Variants in FRMD4A observed in about 807,000 individuals in gnomAD.
FRMD4A encodes FERM domain-containing protein 4A.
In FRMD4A, 29 loss-of-function variants were observed where a neutral mutation model predicts 129.1. The ratio of observed to expected loss-of-function variants is 0.22; its 90% confidence interval spans 0.17 to 0.31. FRMD4A has a LOEUF of 0.31. FRMD4A is among the 10% of genes least tolerant of loss of function. FRMD4A has a pLI of 1.00. For missense variants in FRMD4A, 1,272 were observed against 1,375.8 expected (o/e 0.92, Z 1.19); for synonymous variants, 634 against 571.6 (o/e 1.11, Z -1.56).
chr10:13,794,030 G>A (rs2093060101), intron 5 of FRMD4A, among the ~76,000 whole-genome samples: 1 of 152,132 alleles, frequency 6.6e-6, no homozygotes, highest in East Asian at 1.9e-4. Flanking sequence ...CTTGGAGGCT[G>A]CTTCAATAGG....
chr10:14,105,460 T>C (rs1010225554), intron 2 of FRMD4A, among the ~76,000 whole-genome samples: 1 of 152,182 alleles, frequency 6.6e-6, no homozygotes, highest in Admixed American at 6.5e-5. Context: ...CTTCTCTCTA[T>C]AAAATTATTA....
intron 2 of FRMD4A, among the ~76,000 whole-genome samples, chr10:14,094,669 T>C (rs938761625): frequency 4.6e-5 from 7 of 152,200 alleles, no homozygotes; most frequent in Non-Finnish European, 8.8e-5. Context: ...CTTGCCTCTC[T>C]CTATTGGGCA....
At position 13,657,448 on chromosome 10, in the gene FRMD4A, G is replaced by C; in HGVS notation, c.2141C>G (p.Ser714Cys). 6.2e-7 allele frequency: 1 copy of C among 1,612,290 alleles called. No homozygotes were observed. The highest frequency in any genetic ancestry group is 8.5e-7 in the Non-Finnish European group (1 of 1,179,916). ...HFRHRSSSLE[S>C]QGKLLGSEND... ...TTCCGAGCCCAGGAGCTTGCCCTGGGACTCCAGGCTGGAGCTCCGGTGCCT... is the reference window on the plus strand; with the variant it reads ...TTCCGAGCCCAGGAGCTTGCCCTGGCACTCCAGGCTGGAGCTCCGGTGCCT... Residue 714 changes from serine to cysteine, a missense_variant, in exon 22 of 25, where the codon TCC becomes TGC. This residue lies in a region of FRMD4A where 972 missense variants were observed against 892.3 expected (regional missense o/e 1.09). Transcript: ENST00000357447.
At chr10:14,052,895 C>T (rs149857353) in intron 2 of FRMD4A, among the ~76,000 whole-genome samples, 75 of 152,134 alleles carry the variant, frequency 4.9e-4, no homozygotes, top group East Asian at 1.2e-3. Flanking sequence ...CAGATCTTGC[C>T]GTAACTCATA....
At chr10:14,295,496 T>C (rs1294668153) in intron 2 of FRMD4A, among the ~76,000 whole-genome samples, 1 of 152,214 alleles carries the variant, frequency 6.6e-6, no homozygotes, top group African/African-American at 2.4e-5. Context: ...GCTGCCTCAG[T>C]TTCTTCATGT....
rs1475725787 is a variant in FRMD4A, at chr10:14,260,512, C to T, written c.45+69546G>A. On this transcript the variant is annotated intron_variant, in intron 2 of 24. Transcript: ENST00000357447. Reference sequence around the variant, plus strand: ...AGGCATATAAGTCATCCTACATGCTCATTAAATCACAAGTAAAGAGTGTTT... The same window carrying T: ...AGGCATATAAGTCATCCTACATGCTTATTAAATCACAAGTAAAGAGTGTTT... Among the ~76,000 whole-genome samples, 6 of 152,178 alleles carry T rather than the reference C, an allele frequency of 3.9e-5. No individual in the cohort carries two copies. In the East Asian group the frequency reaches 1.2e-3, roughly 29 times the overall value.
rs554391208 is a variant in FRMD4A at position 14,279,541 on chromosome 10, T to A, written c.45+50517A>T. ...CAACTTTCATAAAACTTAGGCAGAG[T>A]CTATATTTACTACTACAATTTTCTC... is the stretch of plus-strand genomic sequence containing the variant. On this transcript the variant is annotated intron_variant, in intron 2 of 24. Coordinates refer to ENST00000357447, the MANE Select transcript of FRMD4A (RefSeq NM_018027.5). 3.9e-5 allele frequency among the ~76,000 whole-genome samples: 6 copies of A among 151,910 alleles called. No individual in the cohort carries two copies. The East Asian group carries it at 1.2e-3, about 29-fold the overall frequency.
At chr10:14,060,452 G>C (rs1222336086) in intron 2 of FRMD4A, among the ~76,000 whole-genome samples, 1 of 152,144 alleles carries the variant, frequency 6.6e-6, no homozygotes, top group African/African-American at 2.4e-5. Context: ...ATGTACTTAA[G>C]GGCATCTAAG....
chr10:14,182,417 C>T (rs1048050870), intron 2 of FRMD4A, among the ~76,000 whole-genome samples: 4 of 152,168 alleles, frequency 2.6e-5, no homozygotes, highest in Non-Finnish European at 5.9e-5. Context: ...CAAGGTGGCA[C>T]ATGCCTATAG....
intron 2 of FRMD4A, among the ~76,000 whole-genome samples, chr10:13,875,389 C>A (rs1220179580): frequency 2.6e-5 from 4 of 152,174 alleles, no homozygotes; most frequent in Non-Finnish European, 5.9e-5. Flanking sequence ...AACTTGTCTT[C>A]CTCAATCCAT....
chr10:13,988,610 A>T (rs962044138), intron 2 of FRMD4A, among the ~76,000 whole-genome samples: 3 of 152,190 alleles, frequency 2.0e-5, no homozygotes, highest in African/African-American at 7.2e-5. Flanking sequence ...AGATGAATGG[A>T]TGGGTACATG....
At chr10:13,819,271 T>C (rs547220450) in intron 3 of FRMD4A, among the ~76,000 whole-genome samples, 1 of 152,334 alleles carries the variant, frequency 6.6e-6, no homozygotes, top group East Asian at 1.9e-4. Flanking sequence ...CCTACAAAAA[T>C]ATCCATTTCT....
intron 2 of FRMD4A, among the ~76,000 whole-genome samples, chr10:14,123,129 A>C (rs1211240864): frequency 1.3e-5 from 2 of 152,202 alleles, no homozygotes; most frequent in African/African-American, 2.4e-5. Flanking sequence ...AAAACAAAAA[A>C]ACAAAAAACA....
At chr10:14,116,413 G>A (rs1838200084) in intron 2 of FRMD4A, among the ~76,000 whole-genome samples, 1 of 152,222 alleles carries the variant, frequency 6.6e-6, no homozygotes, top group Non-Finnish European at 1.5e-5. Context: ...GGATTGAACA[G>A]AAATAATGCA....
intron 2 of FRMD4A, among the ~76,000 whole-genome samples, chr10:14,184,298 A>ATTTTTTTTTTTTT (rs60196881): frequency 1.9e-5 from 2 of 104,906 alleles, no homozygotes; most frequent in African/African-American, 3.5e-5. Flanking sequence ...CAACCGGTTA[A>ATTTTTTTTTTTTT]TTTTTTTTTT....
intron 15 of FRMD4A, among the ~76,000 whole-genome samples, chr10:13,691,722 G>C (rs1416574277): frequency 1.3e-5 from 2 of 152,204 alleles, no homozygotes; most frequent in Non-Finnish European, 2.9e-5. Context: ...CCAAGCTGAA[G>C]TCAGCCAGAT....
chr10:13,716,047 G>A (rs2088770754), intron 12 of FRMD4A, among the ~76,000 whole-genome samples: 1 of 152,070 alleles, frequency 6.6e-6, no homozygotes. Flanking sequence ...TTTGTGTAAT[G>A]TTTTTTTGAA....
chr10:13,736,274 G>A, intron 12 of FRMD4A, among the ~76,000 whole-genome samples: 1 of 152,168 alleles, frequency 6.6e-6, no homozygotes, highest in Non-Finnish European at 1.5e-5. Flanking sequence ...TGGGAAAAAG[G>A]CACAGGGAAA....
At chr10:13,916,279 T>A (rs1005458670) in intron 2 of FRMD4A, among the ~76,000 whole-genome samples, 3 of 152,164 alleles carry the variant, frequency 2.0e-5, no homozygotes, top group Admixed American at 2.0e-4. Flanking sequence ...TCACTTTGGC[T>A]TTGCCTCCCA....
Sources: allele counts gnomAD v4.1 joint callset (sites outside exome capture counted in the v4.1 genomes callset), GRCh38; gene constraint gnomAD v4.1.1; regional missense constraint gnomAD v4.1.1; transcripts MANE v1.5; gene names NCBI Gene and HGNC (gene_info 2026-07-23, HGNC 2026-07-21).